Variants in BACH2 observed in about 807,000 individuals in gnomAD.
The protein encoded by BACH2 is transcription regulator protein BACH2.
BACH2 carries 5 observed loss-of-function variants against 61.8 expected under a neutral mutation model. The ratio of observed to expected loss-of-function variants is 0.08; its 90% confidence interval spans 0.04 to 0.17. The LOEUF is 0.17. Among genes scored for constraint, BACH2 ranks in the 10% least tolerant of loss-of-function variants. BACH2 has a pLI of 1.00. For missense variants in BACH2, 824 were observed against 1,091.1 expected, an observed-to-expected ratio of 0.76 and a Z score of 3.45; for synonymous variants, 446 against 440.1, an observed-to-expected ratio of 1.01 and a Z score of -0.17.
intron 4 of BACH2, among the ~76,000 whole-genome samples, chr6:90,175,703 G>A (rs1281043088): frequency 6.6e-6 from 1 of 152,010 alleles, no homozygotes; most frequent in Non-Finnish European, 1.5e-5. Context: ...CTGCATATTA[G>A]ATGTTTTGAC....
At chr6:90,255,585 G>C (rs576731238) in intron 2 of BACH2, among the ~76,000 whole-genome samples, 1 of 152,192 alleles carries the variant, frequency 6.6e-6, no homozygotes, top group South Asian at 2.1e-4. Context: ...AGAGAAGAGG[G>C]AAGAAGAAAA....
At chr6:90,056,872 A>C (rs1448606514) in intron 5 of BACH2, among the ~76,000 whole-genome samples, 2 of 152,224 alleles carry the variant, frequency 1.3e-5, no homozygotes, top group African/African-American at 4.8e-5. Context: ...CTGAATGACT[A>C]CTGGGTAAAT....
At chr6:90,189,405 G>A (rs1387195210) in intron 4 of BACH2, among the ~76,000 whole-genome samples, 1 of 151,538 alleles carries the variant, frequency 6.6e-6, no homozygotes, top group Non-Finnish European at 1.5e-5. Flanking sequence ...TCAGGAGATC[G>A]AGACCATCCT....
intron 6 of BACH2, among the ~76,000 whole-genome samples, chr6:89,991,168 C>A (rs1035215431): frequency 2.6e-5 from 4 of 152,346 alleles, no homozygotes; most frequent in Admixed American, 2.6e-4. Flanking sequence ...ATAACCCTAG[C>A]ACTTAAAACG....
At chr6:90,191,491 A>C (rs1284306472) in intron 4 of BACH2, among the ~76,000 whole-genome samples, 1 of 152,216 alleles carries the variant, frequency 6.6e-6, no homozygotes, top group Admixed American at 6.5e-5. Flanking sequence ...GTTCATTGCA[A>C]ATTTACTCAA....
chr6:89,986,582 G>A (rs1487949706), intron 6 of BACH2, among the ~76,000 whole-genome samples: 2 of 151,852 alleles, frequency 1.3e-5, no homozygotes, highest in African/African-American at 2.4e-5. Context: ...CATTTTCCCT[G>A]TCACTAAATT....
chr6:90,024,717 C>G (rs1778547244), intron 5 of BACH2, among the ~76,000 whole-genome samples: 1 of 152,066 alleles, frequency 6.6e-6, no homozygotes, highest in Non-Finnish European at 1.5e-5. Flanking sequence ...GGGAAAAATG[C>G]CATCACATAA....
At chr6:90,165,621 CA>C (rs1192820336) in intron 4 of BACH2, among the ~76,000 whole-genome samples, 45 of 152,174 alleles carry the variant, frequency 3.0e-4, no homozygotes, top group African/African-American at 9.9e-4. Flanking sequence ...GCCAAAAGAA[CA>C]AAGCTGGAGG....
intron 3 of BACH2, among the ~76,000 whole-genome samples, chr6:90,225,019 C>T (rs940822502): frequency 2.0e-5 from 3 of 152,152 alleles, no homozygotes; most frequent in African/African-American, 7.2e-5. Flanking sequence ...CAACAATTTA[C>T]TGAGCACCTG....
At chr6:89,940,257 G>A (rs1773342670) in intron 7 of BACH2, among the ~76,000 whole-genome samples, 1 of 152,076 alleles carries the variant, frequency 6.6e-6, no homozygotes, top group Non-Finnish European at 1.5e-5. Flanking sequence ...TGATCCGCCC[G>A]CCTTGGCCTC....
At chr6:89,961,285 G>A (rs1245778301) in intron 6 of BACH2, among the ~76,000 whole-genome samples, 1 of 151,826 alleles carries the variant, frequency 6.6e-6, no homozygotes, top group Non-Finnish European at 1.5e-5. Flanking sequence ...TCTTAAAATA[G>A]ATATGAAATA....
chr6:90,120,695 CTT>C (rs1783586042), intron 4 of BACH2, among the ~76,000 whole-genome samples: 1 of 152,142 alleles, frequency 6.6e-6, no homozygotes, highest in African/African-American at 2.4e-5. Flanking sequence ...AATAGAAAGT[CTT>C]TTAACCAATG....
chr6:89,985,504 C>A (rs369439534), intron 6 of BACH2, among the ~76,000 whole-genome samples: 1 of 152,084 alleles, frequency 6.6e-6, no homozygotes, highest in African/African-American at 2.4e-5. Context: ...CACAGACATC[C>A]GTCCATCCGG....
intron 3 of BACH2, among the ~76,000 whole-genome samples, chr6:90,219,785 TACACACACACACAC>T (rs5878121): frequency 1.3e-5 from 2 of 148,614 alleles, no homozygotes; most frequent in Non-Finnish European, 1.5e-5. Flanking sequence ...TTAAAACACA[TACACACACACACAC>T]ACACACACAC....
chr6:90,063,186 G>A, intron 5 of BACH2, among the ~76,000 whole-genome samples: 1 of 152,168 alleles, frequency 6.6e-6, no homozygotes, highest in Admixed American at 6.6e-5. Context: ...CAAGTATTCA[G>A]ATGAGGTAAT....
chr6:90,182,639 CTG>C (rs1436510259), intron 4 of BACH2, among the ~76,000 whole-genome samples: 2 of 152,226 alleles, frequency 1.3e-5, no homozygotes, highest in African/African-American at 4.8e-5. Flanking sequence ...TTCCATGAAA[CTG>C]TGAGATTGAG....
At chr6:90,100,172 T>C (rs923691283) in intron 4 of BACH2, among the ~76,000 whole-genome samples, 3 of 152,282 alleles carry the variant, frequency 2.0e-5, no homozygotes, top group Non-Finnish European at 4.4e-5. Flanking sequence ...TTTATCCATT[T>C]ATATCAGTTG....
intron 3 of BACH2, among the ~76,000 whole-genome samples, chr6:90,230,681 AT>A (rs1770066932): frequency 6.6e-6 from 1 of 152,144 alleles, no homozygotes; most frequent in South Asian, 2.1e-4. Flanking sequence ...CAAAGTTATG[AT>A]GGGAATGTGG....
chr6:90,033,350 A>AT (rs1491489757), intron 5 of BACH2, among the ~76,000 whole-genome samples: 2 of 144,304 alleles, frequency 1.4e-5, no homozygotes, highest in Non-Finnish European at 3.0e-5. Context: ...TGAAACTTAA[A>AT]TAAAAAAAAA....
Sources: allele counts gnomAD v4.1 joint callset (sites outside exome capture counted in the v4.1 genomes callset), GRCh38; gene constraint gnomAD v4.1.1; transcripts MANE v1.5; gene names NCBI Gene and HGNC (gene_info 2026-07-23, HGNC 2026-07-21).